Variants in OPCML observed in about 807,000 individuals in gnomAD.
OPCML encodes opioid binding protein/cell adhesion molecule like.
In OPCML, 13 loss-of-function variants were observed where a neutral mutation model predicts 37.8. The observed-to-expected ratio is 0.34, with a 90% CI of 0.22 to 0.55. The LOEUF is 0.55. Among genes scored for constraint, OPCML ranks in the 20% least tolerant of loss-of-function variants. The pLI is 0.91. For synonymous variants in OPCML, 176 were observed against 168.8 expected (o/e 1.04, Z -0.33); for missense variants, 341 against 435.6 (o/e 0.78, Z 1.93).
chr11:132,849,626 G>C (rs1156466854), intron 2 of OPCML, among the ~76,000 whole-genome samples: 1 of 152,172 alleles, frequency 6.6e-6, no homozygotes, highest in East Asian at 1.9e-4. Flanking sequence ...TCACCTGCAA[G>C]TAGAGACCTG....
chr11:133,184,827 C>A (rs1194385578), intron 1 of OPCML, among the ~76,000 whole-genome samples: 3 of 152,172 alleles, frequency 2.0e-5, no homozygotes, highest in Non-Finnish European at 2.9e-5. Context: ...GAAATCTTTT[C>A]CTAGGCAGGT....
intron 1 of OPCML, among the ~76,000 whole-genome samples, chr11:133,240,266 A>T (rs1273770956): frequency 6.7e-6 from 1 of 149,384 alleles, no homozygotes; most frequent in Non-Finnish European, 1.5e-5. Flanking sequence ...CTTCCCTGCC[A>T]TCTGTCTCAT....
intron 1 of OPCML, among the ~76,000 whole-genome samples, chr11:133,294,176 T>C (rs964467262): frequency 1.3e-5 from 2 of 150,228 alleles, no homozygotes; most frequent in Admixed American, 6.6e-5. Context: ...CCGAGAAGGA[T>C]TTTCATCACT....
chr11:133,385,773 C>T (rs918759849), intron 1 of OPCML, among the ~76,000 whole-genome samples: 1 of 152,156 alleles, frequency 6.6e-6, no homozygotes. Context: ...GGCAAGAAGA[C>T]TCATCCTCTT....
intron 1 of OPCML, among the ~76,000 whole-genome samples, chr11:133,082,545 C>T: frequency 6.9e-6 from 1 of 144,398 alleles, no homozygotes. Flanking sequence ...CCTCTCCTCC[C>T]CCTCGCCCAT....
intron 1 of OPCML, among the ~76,000 whole-genome samples, chr11:133,400,425 T>G (rs551214204): frequency 2.0e-5 from 3 of 152,310 alleles, no homozygotes; most frequent in Non-Finnish European, 4.4e-5. Flanking sequence ...GCTAAATTAT[T>G]GGGCAATAAG....
intron 1 of OPCML, chr11:133,297,926 T>C (rs1454836532): frequency 1.3e-5 from 2 of 152,178 alleles, no homozygotes; most frequent in African/African-American, 2.4e-5. Flanking sequence ...GGCAACATTT[T>C]ACTATGGGTA....
chr11:132,435,173 G>A (rs937173158), intron 7 of OPCML: 16 of 1,289,530 alleles, frequency 1.2e-5, no homozygotes, highest in Middle Eastern at 2.1e-4. Context: ...CACTGCTGAT[G>A]AGGGGCTTAT....
At chr11:133,159,626 A>G (rs1950114866) in intron 1 of OPCML, among the ~76,000 whole-genome samples, 1 of 152,192 alleles carries the variant, frequency 6.6e-6, no homozygotes, top group South Asian at 2.1e-4. Flanking sequence ...GAAGTAATAA[A>G]TCTGTATTGC....
chr11:132,474,472 C>T (rs559804191), intron 4 of OPCML, among the ~76,000 whole-genome samples: 14 of 152,164 alleles, frequency 9.2e-5, no homozygotes, highest in African/African-American at 3.4e-4. Flanking sequence ...TCAGTCCTTG[C>T]TGGCCCCAGA....
At chr11:133,340,624 G>C (rs202052272) in intron 1 of OPCML, among the ~76,000 whole-genome samples, 3 of 151,142 alleles carry the variant, frequency 2.0e-5, no homozygotes, top group African/African-American at 7.3e-5. Flanking sequence ...GTGTGTGTGT[G>C]TGTGTGTGTG....
In OPCML at chr11:133,398,324, G is replaced by A. The variant is rs1945330277; in HGVS notation, c.61+133940C>T. 2.0e-5 allele frequency among the ~76,000 whole-genome samples: 3 copies of A among 152,124 alleles called. No homozygotes were observed. In the South Asian group the frequency reaches 6.2e-4, roughly 32 times the overall value. ...TTTTGGAAATCAGCTCCTTTGTTATGTCCCAGCGTAGCCATTTCCTGTCTG... is the reference window on the plus strand; with the variant it reads ...TTTTGGAAATCAGCTCCTTTGTTATATCCCAGCGTAGCCATTTCCTGTCTG... On this transcript the variant is annotated intron_variant, in intron 1 of 7. Transcript: ENST00000524381.
intron 1 of OPCML, among the ~76,000 whole-genome samples, chr11:133,242,389 A>C (rs1245990666): frequency 6.6e-6 from 1 of 152,220 alleles, no homozygotes; most frequent in Non-Finnish European, 1.5e-5. Context: ...GCTGAAACAC[A>C]GCACCTCAGA....
chr11:132,441,330 G>C (rs1038139495), intron 4 of OPCML, among the ~76,000 whole-genome samples: 1 of 150,650 alleles, frequency 6.6e-6, no homozygotes, highest in African/African-American at 2.5e-5. Context: ...ACTACGCCCG[G>C]CTAATTTTTT....
At position 132,421,901 on chromosome 11, in the gene OPCML, A is replaced by ATC. The variant is rs770783804; in HGVS notation, c.917-1609_917-1608insGA. Among the ~76,000 whole-genome samples, 9 of 152,264 alleles carry ATC rather than the reference A, an allele frequency of 5.9e-5. No homozygotes were observed. The East Asian group carries it at 1.4e-3, about 23-fold the overall frequency. ...GTTGAAGCTCAAGGTAATTCTCTACATATTGTCTTTGAAAGATGAGTGATT... is the reference window on the plus strand; with the variant it reads ...GTTGAAGCTCAAGGTAATTCTCTACATCTATTGTCTTTGAAAGATGAGTGATT... On this transcript the variant is annotated intron_variant, in intron 7 of 7. Transcript: ENST00000524381.
chr11:133,480,593 T>C (rs1363004526), intron 1 of OPCML, among the ~76,000 whole-genome samples: 1 of 152,208 alleles, frequency 6.6e-6, no homozygotes, highest in African/African-American at 2.4e-5. Context: ...GACTGTAAAA[T>C]CCTATCCATT....
At chr11:132,710,207 G>A (rs533696948) in intron 2 of OPCML, among the ~76,000 whole-genome samples, 3 of 152,260 alleles carry the variant, frequency 2.0e-5, no homozygotes, top group South Asian at 2.1e-4. Context: ...AGAATCTGAC[G>A]TAAATCAAAG....
At chr11:133,039,040 A>C (rs1375681006) in intron 1 of OPCML, among the ~76,000 whole-genome samples, 1 of 152,094 alleles carries the variant, frequency 6.6e-6, no homozygotes, top group Non-Finnish European at 1.5e-5. Flanking sequence ...CCCCATTCCC[A>C]CTTCCTATGC....
intron 2 of OPCML, among the ~76,000 whole-genome samples, chr11:132,826,086 T>C (rs1298158039): frequency 2.0e-5 from 3 of 152,228 alleles, no homozygotes; most frequent in Non-Finnish European, 4.4e-5. Context: ...CCATGGACTG[T>C]ATGTCCTGTC....
Sources: gnomAD v4.1 joint callset for allele counts (sites outside exome capture counted in the v4.1 genomes callset) on GRCh38, gnomAD v4.1.1 for gene constraint, MANE v1.5 for transcripts, NCBI Gene and HGNC (gene_info 2026-07-23, HGNC 2026-07-21) for gene names.